CHD6: variants seen among roughly 807,000 people sequenced by gnomAD.
CHD6 encodes ATP-dependent chromatin remodeler CHD6.
Under a neutral mutation model 276.9 loss-of-function variants are expected in CHD6, and 50 were observed. The observed-to-expected ratio is 0.18, with a 90% CI of 0.14 to 0.23. CHD6 has a LOEUF of 0.23. Ranked by LOEUF, CHD6 falls within the 10% of genes least tolerant of loss-of-function variation. The pLI, the probability that CHD6 is intolerant of heterozygous loss-of-function variation, is 1.00. For synonymous variants in CHD6, 1,173 were observed against 1,229.3 expected (o/e 0.95, Z 0.96); for missense variants, 2,564 against 3,365.8 (o/e 0.76, Z 5.89).
At chr20:41,520,381 T>C (rs555125444) in intron 3 of CHD6, among the ~76,000 whole-genome samples, 2 of 152,264 alleles carry the variant, frequency 1.3e-5, no homozygotes, top group South Asian at 2.1e-4. Context: ...CGTATGTTAC[T>C]GCGGCACTAT....
intron 1 of CHD6, among the ~76,000 whole-genome samples, chr20:41,574,804 G>A (rs765465106): frequency 6.6e-6 from 1 of 152,114 alleles, no homozygotes; most frequent in Non-Finnish European, 1.5e-5. Context: ...AGGAAAATAG[G>A]GTCTGGAGGC....
At chr20:41,469,538 T>C (rs543272632) in intron 17 of CHD6, among the ~76,000 whole-genome samples, 9 of 152,318 alleles carry the variant, frequency 5.9e-5, no homozygotes, top group Non-Finnish European at 1.0e-4. Flanking sequence ...TTTTCCTTTG[T>C]CTTTCCTTCT....
intron 3 of CHD6, among the ~76,000 whole-genome samples, chr20:41,523,820 C>T (rs1203661421): frequency 6.6e-6 from 1 of 152,152 alleles, no homozygotes; most frequent in Non-Finnish European, 1.5e-5. Flanking sequence ...GATATGGGTA[C>T]ATGTCACGAC....
intron 3 of CHD6, among the ~76,000 whole-genome samples, chr20:41,524,956 C>T (rs2044491559): frequency 6.6e-6 from 1 of 152,178 alleles, no homozygotes; most frequent in African/African-American, 2.4e-5. Flanking sequence ...TTTCTTTCTT[C>T]CTTTTCCTGC....
intron 1 of CHD6, among the ~76,000 whole-genome samples, chr20:41,568,127 T>C (rs551758433): frequency 2.6e-5 from 4 of 151,996 alleles, no homozygotes; most frequent in African/African-American, 9.6e-5. Context: ...AAAAGGACCA[T>C]ATAAGCACAT....
rs561410046 is a variant in CHD6 at position 41,604,505 on chromosome 20, T to C, written c.-24+13835A>G. ...CTAACTCTTCAGGTTGCAGATGTCT[T>C]AGAGTTGGCTATGAAAATCATTTCC... On this transcript the variant is annotated intron_variant, in intron 1 of 36. Transcript: ENST00000373233. Among the ~76,000 whole-genome samples, 8 of 152,324 alleles carry C rather than the reference T, an allele frequency of 5.3e-5. No individual in the cohort carries two copies. The South Asian group carries it at 6.2e-4, about 12-fold the overall frequency.
intron 14 of CHD6, among the ~76,000 whole-genome samples, chr20:41,485,262 G>T (rs1045474747): frequency 1.3e-5 from 2 of 152,164 alleles, no homozygotes; most frequent in African/African-American, 4.8e-5. Flanking sequence ...GCAACTGACT[G>T]CACCAGCAAG....
At position 41,512,974 on chromosome 20, in the gene CHD6, C is replaced by T; in HGVS notation, c.724G>A (p.Val242Ile). Reference protein sequence around the residue: ...DSQKRRSGRQVKRRKYNEDLD... With the variant: ...DSQKRRSGRQIKRRKYNEDLD... ...TCCTCATTGTATTTTCTGCGCTTTA[C>T]TTGCCTTCCCGAGCGTCGTTTCTGT... The change falls in exon 5 of 37, where the codon GTA (valine) becomes ATA (isoleucine). Residue 242 changes from valine (V) to isoleucine (I), a missense_variant. Coordinates refer to ENST00000373233, the MANE Select transcript of CHD6 (RefSeq NM_032221.5). 1 of 1,614,084 alleles carries T rather than the reference C, an allele frequency of 6.2e-7. No homozygotes were observed. The highest frequency in any genetic ancestry group is 8.5e-7 in the Non-Finnish European group (1 of 1,179,928).
chr20:41,507,244 T>C (rs1220388693), intron 5 of CHD6, among the ~76,000 whole-genome samples: 2 of 152,228 alleles, frequency 1.3e-5, no homozygotes, highest in Non-Finnish European at 2.9e-5. Context: ...ATTCAGAATA[T>C]TTAACTAGGA....
intron 5 of CHD6, among the ~76,000 whole-genome samples, chr20:41,511,714 T>C: frequency 6.6e-6 from 1 of 152,158 alleles, no homozygotes; most frequent in East Asian, 1.9e-4. Context: ...AGATTATCCA[T>C]TTGTCATATC....
intron 1 of CHD6, among the ~76,000 whole-genome samples, chr20:41,612,953 A>G (rs1272441014): frequency 3.3e-5 from 5 of 152,140 alleles, no homozygotes; most frequent in African/African-American, 1.2e-4. Flanking sequence ...ACCACCTCCT[A>G]GAGTTACTCT....
At chr20:41,617,554 C>G (rs779531521) in intron 1 of CHD6, among the ~76,000 whole-genome samples, 6 of 152,212 alleles carry the variant, frequency 3.9e-5, no homozygotes, top group Non-Finnish European at 5.9e-5. Flanking sequence ...CCCTGGAAAT[C>G]TGGGCGCAAC....
intron 1 of CHD6, among the ~76,000 whole-genome samples, chr20:41,585,494 G>A (rs1238031391): frequency 3.0e-5 from 4 of 134,220 alleles, no homozygotes; most frequent in Non-Finnish European, 4.6e-5. Flanking sequence ...GGCAACAAGA[G>A]TGAAACTCCG....
rs1287052517 is a variant in CHD6, at chr20:41,402,445, A to G, written c.*2148T>C. On this transcript the variant is annotated 3_prime_UTR_variant, in exon 37 of 37. Transcript: ENST00000373233. ...TGGTGGGTTTTTAAGTCAGATCCAC[A>G]TTGAACCCTGTGACCTACCGGAGGT... The G allele has an allele frequency of 6.5e-5, 15 of 230,766 alleles. No homozygotes were observed. In the Admixed American group the frequency reaches 7.9e-4, roughly 12 times the overall value. 14.3% of individuals were successfully genotyped at this position (230,766 alleles called of 1,614,324 possible).
chr20:41,614,694 A>C (rs1455332536), intron 1 of CHD6: 1 of 152,220 alleles, frequency 6.6e-6, no homozygotes, highest in Non-Finnish European at 1.5e-5. Flanking sequence ...TTTTAAAATA[A>C]CTCCATTTTA....
chr20:41,613,102 T>A (rs1471667277), intron 1 of CHD6, among the ~76,000 whole-genome samples: 1 of 152,168 alleles, frequency 6.6e-6, no homozygotes, highest in Non-Finnish European at 1.5e-5. Context: ...TCTGTAAAAT[T>A]TTTAGCAGTC....
At chr20:41,467,846 C>CG (rs1194581403) in intron 17 of CHD6, among the ~76,000 whole-genome samples, 5 of 151,336 alleles carry the variant, frequency 3.3e-5, no homozygotes, top group African/African-American at 7.3e-5. Context: ...CAAGGAGAGG[C>CG]AGCGGCGTAC....
At chr20:41,541,531 A>G (rs2044941843) in intron 2 of CHD6, among the ~76,000 whole-genome samples, 1 of 152,354 alleles carries the variant, frequency 6.6e-6, no homozygotes, top group East Asian at 1.9e-4. Context: ...TAAAGAGAGA[A>G]GAGAAAACAG....
intron 1 of CHD6, among the ~76,000 whole-genome samples, chr20:41,609,822 T>G (rs915105123): frequency 6.6e-6 from 1 of 152,040 alleles, no homozygotes; most frequent in Non-Finnish European, 1.5e-5. Flanking sequence ...CAACTCTGCA[T>G]GTGGATCTGT....
Sources: gnomAD v4.1 joint callset for allele counts (sites outside exome capture counted in the v4.1 genomes callset) on GRCh38, gnomAD v4.1.1 for gene constraint, MANE v1.5 for transcripts, NCBI Gene and HGNC (gene_info 2026-07-23, HGNC 2026-07-21) for gene names.